Variants in LRRD1 observed in about 807,000 individuals in gnomAD.
The protein encoded by LRRD1 is leucine-rich repeat and death domain-containing protein 1.
LRRD1 carries 49 observed loss-of-function variants against 69.5 expected under a neutral mutation model. That is an observed-to-expected ratio of 0.70 (90% CI 0.56 to 0.89). The LOEUF (loss-of-function observed/expected upper bound fraction) is 0.89. Ranked by LOEUF, LRRD1 falls within the 40% of genes least tolerant of loss-of-function variation. The probability of loss-of-function intolerance (pLI) is 0.00; values close to 1 mark genes in which losing one functional copy is unlikely to be tolerated. For missense variants in LRRD1, 853 were observed against 956.0 expected (o/e 0.89, Z 1.42); for synonymous variants, 303 against 338.9 (o/e 0.89, Z 1.16).
intron 4 of LRRD1, among the ~76,000 whole-genome samples, chr7:92,146,783 G>T (rs1332145840): frequency 6.8e-6 from 1 of 146,938 alleles, no homozygotes; most frequent in Admixed American, 6.8e-5. Context: ...TTAGCCGGGC[G>T]TGGTCGCACA....
intron 3 of LRRD1, among the ~76,000 whole-genome samples, chr7:92,156,544 T>C (rs1158878381): frequency 6.6e-6 from 1 of 152,228 alleles, no homozygotes; most frequent in Non-Finnish European, 1.5e-5. Flanking sequence ...TTTATGGTTT[T>C]GGTACCATTT....
intron 1 of LRRD1, among the ~76,000 whole-genome samples, chr7:92,177,788 G>A (rs545125022): frequency 6.6e-6 from 1 of 152,270 alleles, no homozygotes; most frequent in South Asian, 2.1e-4. Context: ...CAGTAACAAA[G>A]ATGATATTTT....
At position 92,151,928 on chromosome 7, in the gene LRRD1, G is replaced by A. The variant is rs567316099; in HGVS notation, c.2117-1233C>T. ...AATGCCATTGCACTCCAGCCTGGGA[G>A]ACAAGAGCGGAACTCCATCTCAAAA... On this transcript the variant is annotated intron_variant, in intron 3 of 5. Transcript: ENST00000458448. 5.3e-3 allele frequency among the ~76,000 whole-genome samples: 779 copies of A among 145,980 alleles called. 18 individuals are homozygous for A. Among genetic ancestry groups the A allele is most frequent in the Non-Finnish European group, 6.5e-3 (437 of 66,992 alleles).
intron 1 of LRRD1, among the ~76,000 whole-genome samples, chr7:92,167,114 T>G (rs1159457429): frequency 6.6e-6 from 1 of 151,224 alleles, no homozygotes; most frequent in Non-Finnish European, 1.5e-5. Flanking sequence ...TTTTTTTTTT[T>G]GTGGGGACAG....
In LRRD1 at chr7:92,163,270, A is replaced by C; in HGVS notation, c.1917+16T>G. On this transcript the variant is annotated intron_variant, in intron 2 of 5. Coordinates refer to ENST00000458448, the MANE Select transcript of LRRD1 (RefSeq NM_001161528.2). ...GTCTCTCCTTCCCCACAAAGCCCAC[A>C]ATACCAGTCTCTTACCTTTCTCCCT... 2.9e-5 allele frequency: 41 copies of C among 1,401,898 alleles called. No individual in the cohort carries two copies. The highest frequency in any genetic ancestry group is 3.7e-5 in the Non-Finnish European group (40 of 1,068,066). 86.8% of individuals were successfully genotyped at this position (1,401,898 alleles called of 1,614,324 possible).
intron 3 of LRRD1, among the ~76,000 whole-genome samples, chr7:92,157,317 C>T (rs1237145825): frequency 6.6e-6 from 1 of 151,980 alleles, no homozygotes; most frequent in Non-Finnish European, 1.5e-5. Context: ...GGGTAAATCC[C>T]ACTTGGTCAC....
intron 3 of LRRD1, among the ~76,000 whole-genome samples, chr7:92,154,223 T>C (rs1357803026): frequency 6.6e-6 from 1 of 151,976 alleles, no homozygotes; most frequent in Non-Finnish European, 1.5e-5. Flanking sequence ...TAAGAAATCC[T>C]TGCCAAAGTT....
intron 3 of LRRD1, among the ~76,000 whole-genome samples, chr7:92,156,662 A>T (rs1419747098): frequency 6.6e-6 from 1 of 152,174 alleles, no homozygotes; most frequent in Non-Finnish European, 1.5e-5. Context: ...TGCTAAACTT[A>T]CTTGTTCTGT....
downstream of LRRD1, chr7:92,141,919 G>A (rs1820157784): frequency 6.6e-6 from 1 of 151,890 alleles, no homozygotes; most frequent in Admixed American, 6.6e-5. Flanking sequence ...ATTTTTTAAG[G>A]TAACAAAAAC....
intron 3 of LRRD1, among the ~76,000 whole-genome samples, chr7:92,157,322 G>T (rs1788682452): frequency 6.6e-6 from 1 of 151,846 alleles, no homozygotes; most frequent in South Asian, 2.1e-4. Context: ...AATCCCACTT[G>T]GTCACAATAT....
downstream of LRRD1, among the ~76,000 whole-genome samples, chr7:92,143,538 G>A (rs1029713053): frequency 1.3e-5 from 2 of 152,176 alleles, no homozygotes; most frequent in East Asian, 1.9e-4. Flanking sequence ...AAGGCCCGGC[G>A]AGAAATTGAG....
At chr7:92,173,212 T>C (rs1789094942) in intron 1 of LRRD1, among the ~76,000 whole-genome samples, 1 of 152,212 alleles carries the variant, frequency 6.6e-6, no homozygotes. Context: ...GCTTACATAC[T>C]TAAATCTAAG....
intron 2 of LRRD1, among the ~76,000 whole-genome samples, chr7:92,162,349 C>T (rs1050800861): frequency 6.6e-6 from 1 of 152,142 alleles, no homozygotes; most frequent in Non-Finnish European, 1.5e-5. Context: ...GCTATTTGAT[C>T]ACAGACACTG....
In LRRD1 at chr7:92,150,663, A is replaced by G; in HGVS notation, c.2149T>C (p.Tyr717His). Residue 717 changes from tyrosine to histidine, a missense_variant, in exon 4 of 6, where the codon TAC becomes CAC. Physicochemically the swap from Tyr to His is moderately conservative, Grantham distance 83 (BLOSUM62 2). Around this residue, in one of 3 missense-constraint regions of LRRD1, gnomAD observed 739 missense variants for 808.0 expected, o/e 0.91. Coordinates refer to ENST00000458448, the MANE Select transcript of LRRD1 (RefSeq NM_001161528.2). The part of the protein sequence containing the change: ...NNLTALPSAI[Y>H]NIFSLKEINF... ...ATCTCCTTCAGTGAAAAAATATTGT[A>G]GATAGCACTAGGTAGAGCTGTCAGA... 6.5e-7 allele frequency: 1 copy of G among 1,548,212 alleles called. No homozygotes were observed. Among genetic ancestry groups the G allele is most frequent in the Non-Finnish European group, 8.7e-7 (1 of 1,143,834 alleles).
At chr7:92,151,924 G>C (rs188091903) in intron 3 of LRRD1, among the ~76,000 whole-genome samples, 1 of 150,786 alleles carries the variant, frequency 6.6e-6, no homozygotes, top group African/African-American at 2.4e-5. Flanking sequence ...ACTCCAGCCT[G>C]GGAGACAAGA....
At chr7:92,144,653 A>G (rs979372432), downstream of LRRD1, among the ~76,000 whole-genome samples, 12 of 150,036 alleles carry the variant, frequency 8.0e-5, no homozygotes, top group African/African-American at 2.7e-4. Context: ...AAAAAAAGGA[A>G]TTATTTTCAA....
chr7:92,175,374 G>C (rs982186915), intron 1 of LRRD1, among the ~76,000 whole-genome samples: 1 of 152,104 alleles, frequency 6.6e-6, no homozygotes, highest in African/African-American at 2.4e-5. Flanking sequence ...CTGGCCAGGC[G>C]TGGTGGCTCA....
Position 92,174,510 on chromosome 7 carries a change from T to TG in LRRD1, c.-75+4496_-75+4497insC, listed in dbSNP as rs1491100533. ...ATATATATATATATATATATATATA[T>TG]TTTTTTTTTTTTTTTTTTTTTTTTT... On this transcript the variant is annotated intron_variant, in intron 1 of 5. Transcript: ENST00000458448. Among the ~76,000 whole-genome samples, 63 of 12,596 alleles carry TG rather than the reference T, an allele frequency of 5.0e-3. 2 individuals are homozygous for TG. Among genetic ancestry groups the TG allele is most frequent in the Non-Finnish European group, 6.3e-3 (51 of 8,136 alleles). 8.3% of individuals were successfully genotyped at this position (12,596 alleles called of 152,430 possible). A position where few individuals can be genotyped will look rare whatever the true frequency, so the allele number is the denominator to read the frequency against.
chr7:92,178,787 A>C (rs759920910), intron 1 of LRRD1: 2 of 152,256 alleles, frequency 1.3e-5, no homozygotes, highest in African/African-American at 2.4e-5. Flanking sequence ...GCCCAATGTA[A>C]TTTGTTACCT....
Sources: gnomAD v4.1 joint callset for allele counts (sites outside exome capture counted in the v4.1 genomes callset) on GRCh38, gnomAD v4.1.1 for gene constraint, gnomAD v4.1.1 regional missense constraint, MANE v1.5 for transcripts, NCBI Gene and HGNC (gene_info 2026-07-23, HGNC 2026-07-21) for gene names.